The following MPP4 variants were observed in gnomAD, a reference collection of about 807,000 sequenced individuals.
The protein encoded by MPP4 is MAGUK p55 scaffold protein 4.
A neutral mutation model predicts 98.3 loss-of-function variants in MPP4; 91 were observed. The ratio of observed to expected loss-of-function variants is 0.93; its 90% confidence interval spans 0.78 to 1.10. The LOEUF is 1.10. Among genes scored for constraint, MPP4 ranks in the 50% least tolerant of loss-of-function variants. The pLI is 0.00. For missense variants in MPP4, 744 were observed against 792.9 expected (o/e 0.94, Z 0.74); for synonymous variants, 261 against 271.8 (o/e 0.96, Z 0.39).
intron 2 of MPP4, 43 bp from the exon 3 acceptor site, chr2:201,693,072 G>T (rs761434335): frequency 6.9e-6 from 11 of 1,586,860 alleles, no homozygotes; most frequent in Admixed American, 1.8e-5. Flanking sequence ...AGGTGCGGGT[G>T]TAAATGTGAA....
intron 20 of MPP4, among the ~76,000 whole-genome samples, chr2:201,648,423 T>C (rs749883422): frequency 3.0e-4 from 46 of 152,372 alleles, no homozygotes; most frequent in Admixed American, 1.1e-3. Context: ...TATAGTCTCA[T>C]GTACCCTCAA....
intron 15 of MPP4, among the ~76,000 whole-genome samples, chr2:201,659,260 T>C (rs1687953847): frequency 6.6e-6 from 1 of 152,164 alleles, no homozygotes; most frequent in African/African-American, 2.4e-5. Context: ...TTGCTAGATA[T>C]GGGTTTTTAT....
chr2:201,654,922 A>G lies in MPP4; in HGVS notation c.1301-5T>C, dbSNP rs1019091931. 3.8e-6 allele frequency: 6 copies of G among 1,585,520 alleles called. No individual in the cohort carries two copies. The Admixed American group carries it at 7.1e-5, about 19-fold the overall frequency. The stretch of plus-strand genomic sequence containing the variant: ...TTACTCCAACACCAGAGGGTCCTAA[A>G]CACAAAAAGTCACACACAGAAATCA... On this transcript the variant is annotated splice_region_variant and splice_polypyrimidine_tract_variant and intron_variant, in intron 17 of 21. Coordinates refer to ENST00000409474, the MANE Select transcript of MPP4 (RefSeq NM_033066.3).
At chr2:201,680,761 AG>A in intron 10 of MPP4, 76 bp downstream of exon 10, 1 of 1,301,902 alleles carries the variant, frequency 7.7e-7, no homozygotes, top group Non-Finnish European at 1.1e-6. Context: ...TCTCATCTTG[AG>A]GTAACAGAAA....
Position 201,693,931 on chromosome 2 carries a change from T to G in MPP4, c.24A>C (p.Ala8=). The change falls in exon 2 of 22, where the codon GCA becomes GCC. Residue 8 remains alanine (A), a synonymous_variant. Coordinates refer to ENST00000409474, the MANE Select transcript of MPP4 (RefSeq NM_033066.3). MIQSDKG[A]DPPDKKDMKL... The stretch of plus-strand genomic sequence containing the variant: ...TCATGTCCTTCTTGTCTGGTGGATC[T>G]GCTCCTTTGTCTGACTGTATCATCC... 6.2e-7 allele frequency: 1 copy of G among 1,614,012 alleles called. No homozygotes were observed. The highest frequency in any genetic ancestry group is 8.5e-7 in the Non-Finnish European group (1 of 1,179,866).
intron 1 of MPP4, among the ~76,000 whole-genome samples, chr2:201,696,686 G>C (rs1441363304): frequency 6.6e-6 from 1 of 152,170 alleles, no homozygotes; most frequent in Non-Finnish European, 1.5e-5. Flanking sequence ...TTTACAGATA[G>C]ACTGTGCTTC....
At position 201,649,494 on chromosome 2, in the gene MPP4, A is replaced by T. The variant is rs1687657443; in HGVS notation, c.1584+82T>A. On this transcript the variant is annotated intron_variant, in intron 20 of 21. Transcript: ENST00000409474. ...AAAGGCTAACAGAATAAATGTCTCA[A>T]CTATAACCTACAGCATGTGCACAAA... 3.1e-6 allele frequency: 3 copies of T among 981,848 alleles called. No homozygotes were observed. The Admixed American group carries it at 6.1e-5, about 20-fold the overall frequency. The allele number at this position is 981,848 out of a possible 1,614,324, so 60.8% of individuals were successfully genotyped here.
chr2:201,675,533 C>G (rs1415851175), intron 10 of MPP4, among the ~76,000 whole-genome samples: 2 of 152,244 alleles, frequency 1.3e-5, no homozygotes, highest in African/African-American at 4.8e-5. Flanking sequence ...CACATGATCA[C>G]AAGTTTGCAC....
intron 18 of MPP4, chr2:201,650,803 T>C: frequency 1.0e-6 from 1 of 985,352 alleles, no homozygotes. Context: ...TGGTGATTCG[T>C]TTTAGGGATC....
chr2:201,671,517 A>C (rs1368491177), intron 11 of MPP4, among the ~76,000 whole-genome samples: 2 of 152,194 alleles, frequency 1.3e-5, no homozygotes, highest in African/African-American at 4.8e-5. Flanking sequence ...TCTCACATGC[A>C]AAGACACACA....
Position 201,696,170 on chromosome 2 carries a change from C to T in MPP4, c.-100-2116G>A, listed in dbSNP as rs532661578. Among the ~76,000 whole-genome samples the T allele has an allele frequency of 1.0e-3, 153 of 152,310 alleles. 1 individual carries two copies. The highest frequency in any genetic ancestry group is 3.3e-3 in the African/African-American group (136 of 41,566). On this transcript the variant is annotated intron_variant, in intron 1 of 21. Transcript: ENST00000409474. The stretch of plus-strand genomic sequence containing the variant: ...CCTTTCCAAACACCCTGAAGTCTTC[C>T]GGTTTGCTAGGTTCTACCAAAGCTT...
At chr2:201,692,402 A>G (rs60436390) in intron 3 of MPP4, among the ~76,000 whole-genome samples, 9,632 of 151,936 alleles carry the variant, frequency 0.063, 410 homozygotes, top group East Asian at 0.24. Context: ...AAATGAGCCA[A>G]GTGTGGTGGT....
At chr2:201,661,452 T>C in intron 14 of MPP4, 1 of 456,480 alleles carries the variant, frequency 2.2e-6, no homozygotes, top group South Asian at 1.5e-5. Context: ...GTTCCTTAAT[T>C]GAGCTCCTCA....
chr2:201,661,553 C>T (rs1027763638), intron 14 of MPP4: 5 of 456,300 alleles, frequency 1.1e-5, no homozygotes, highest in African/African-American at 8.0e-5. Context: ...GTAGGCACCT[C>T]CCTCTGCAGT....
intron 7 of MPP4, among the ~76,000 whole-genome samples, chr2:201,683,642 C>T (rs1688728320): frequency 6.6e-6 from 1 of 151,766 alleles, no homozygotes; most frequent in Non-Finnish European, 1.5e-5. Context: ...ATCCCAGCTG[C>T]TTTGGAGGCT....
chr2:201,677,898 G>A lies in MPP4; in HGVS notation c.930-2627C>T, dbSNP rs1421557147. On this transcript the variant is annotated intron_variant, in intron 10 of 21. Transcript: ENST00000409474. ...TCAAAAGCCACATCAGCCCGCGCTC[G>A]GGGCAGGCCTCTTGCCCAGATATGG... 2.6e-5 allele frequency among the ~76,000 whole-genome samples: 4 copies of A among 152,108 alleles called. No homozygotes were observed. The South Asian group carries it at 8.3e-4, about 32-fold the overall frequency.
At chr2:201,658,022 A>G (rs1356360533) in intron 16 of MPP4, among the ~76,000 whole-genome samples, 1 of 151,098 alleles carries the variant, frequency 6.6e-6, no homozygotes, top group Non-Finnish European at 1.5e-5. Flanking sequence ...CAGCTTGGGA[A>G]CCAACCTTCT....
At chr2:201,663,603 C>T (rs1394109083) in intron 14 of MPP4, among the ~76,000 whole-genome samples, 2 of 152,164 alleles carry the variant, frequency 1.3e-5, no homozygotes, top group African/African-American at 2.4e-5. Context: ...GTAGTCCCAG[C>T]TACTTGGGAG....
chr2:201,645,431 T>A (rs1313078973), intron 21 of MPP4, 27 bp from the exon 22 acceptor site: 1 of 1,566,744 alleles, frequency 6.4e-7, no homozygotes, highest in East Asian at 2.3e-5. Context: ...AAAATATGGA[T>A]AGTACAGACT....
Sources: allele counts gnomAD v4.1 joint callset (sites outside exome capture counted in the v4.1 genomes callset), GRCh38; gene constraint gnomAD v4.1.1; transcripts MANE v1.5; gene names NCBI Gene and HGNC (gene_info 2026-07-23, HGNC 2026-07-21).